Variants in CNIH3 observed in about 807,000 individuals in gnomAD.
CNIH3 encodes cornichon family AMPA receptor auxiliary protein 3.
CNIH3 carries 14 observed loss-of-function variants against 24.1 expected under a neutral mutation model. The ratio of observed to expected loss-of-function variants is 0.58; its 90% CI spans 0.38 to 0.91. CNIH3 has a LOEUF of 0.91. Ranked by LOEUF, CNIH3 falls within the 40% of genes least tolerant of loss-of-function variation. The pLI, the probability that CNIH3 is intolerant of heterozygous loss-of-function variation, is 0.00. For missense variants in CNIH3, 178 were observed against 196.8 expected (o/e 0.90, Z 0.57); for synonymous variants, 68 against 73.8 (o/e 0.92, Z 0.40).
rs143513556 is a variant in CNIH3, at chr1:224,623,751, C to T, written c.81+6496C>T. ...GCAGAGTCTGTCCCTCATCTGAGGC[C>T]ACTTCCTCCCCTCCTAGTTATCTGT... On this transcript the variant is annotated intron_variant, in intron 1 of 5. Coordinates refer to ENST00000272133, the MANE Select transcript of CNIH3 (RefSeq NM_152495.2). Among the ~76,000 whole-genome samples the T allele has an allele frequency of 1.2e-4, 19 of 152,218 alleles. No individual in the cohort carries two copies. In the East Asian group the frequency reaches 2.3e-3, roughly 19 times the overall value.
At chr1:224,521,759 G>A (rs1002563555) in intron 2 of CNIH3, among the ~76,000 whole-genome samples, 5 of 152,158 alleles carry the variant, frequency 3.3e-5, no homozygotes, top group African/African-American at 9.7e-5. Flanking sequence ...GAGAAACTTG[G>A]TCCAAATGAA....
intron 2 of CNIH3, among the ~76,000 whole-genome samples, chr1:224,533,643 C>T (rs539154468): frequency 1.3e-5 from 2 of 152,208 alleles, no homozygotes; most frequent in South Asian, 2.1e-4. Flanking sequence ...GCTAGTAATC[C>T]GTGGCCTTTC....
chr1:224,713,611 A>T (rs1314803397), intron 3 of CNIH3, among the ~76,000 whole-genome samples: 1 of 152,196 alleles, frequency 6.6e-6, no homozygotes, highest in Non-Finnish European at 1.5e-5. Flanking sequence ...TAATGTAATA[A>T]AACACCACAG....
intron 3 of CNIH3, among the ~76,000 whole-genome samples, chr1:224,606,370 A>G (rs2125046574): frequency 6.6e-6 from 1 of 152,112 alleles, no homozygotes; most frequent in African/African-American, 2.4e-5. Flanking sequence ...AGTGGCTCTT[A>G]GTGGGATGGG....
chr1:224,685,738 C>T lies in CNIH3; in HGVS notation c.198+895C>T, dbSNP rs536361173. 4.6e-5 allele frequency among the ~76,000 whole-genome samples: 7 copies of T among 152,192 alleles called. No individual in the cohort carries two copies. The East Asian group carries it at 1.4e-3, about 29-fold the overall frequency. ...TTTTTCTGTATTTCAGTAATGATACCTTTCATTGAGAGAGAGCTTAATCAA... is the reference window on the plus strand; with the variant it reads ...TTTTTCTGTATTTCAGTAATGATACTTTTCATTGAGAGAGAGCTTAATCAA... On this transcript the variant is annotated intron_variant, in intron 3 of 5. Coordinates refer to ENST00000272133, the MANE Select transcript of CNIH3 (RefSeq NM_152495.2).
intron 1 of CNIH3, among the ~76,000 whole-genome samples, chr1:224,488,468 G>GC (rs1404771681): frequency 7.1e-6 from 1 of 139,908 alleles, no homozygotes; most frequent in Non-Finnish European, 1.6e-5. Flanking sequence ...TTTTTTTTTG[G>GC]GGGGTGGGGG....
intron 2 of CNIH3, among the ~76,000 whole-genome samples, chr1:224,525,929 T>C (rs1558130464): frequency 6.6e-6 from 1 of 152,038 alleles, no homozygotes; most frequent in Non-Finnish European, 1.5e-5. Flanking sequence ...AGAATGGAGT[T>C]TGTGCTGCTT....
rs1357282800 is a variant in CNIH3, at chr1:224,505,023, TCCCTCCCTC to T, written n.204-10715_204-10707del. 5.6e-4 allele frequency among the ~76,000 whole-genome samples: 20 copies of T among 35,658 alleles called. 1 individual carries two copies. The highest frequency in any genetic ancestry group is 5.5e-3 in the South Asian group (4 of 732). 23.4% of individuals were successfully genotyped at this position (35,658 alleles called of 152,430 possible). A position where few individuals can be genotyped will look rare whatever the true frequency, so the allele number is the denominator to read the frequency against. ...CTCCCTCCCTCCCTCCCTCCCTCCCTCCCTCCCTCCCTTCCTTCCTTCCTTCCTTCCTTC... is the reference window on the plus strand; with the variant it reads ...CTCCCTCCCTCCCTCCCTCCCTCCCTCCTTCCTTCCTTCCTTCCTTCCTTC... On this transcript the variant is annotated intron_variant and non_coding_transcript_variant, in intron 1 of 5. Transcript: ENST00000471578.
intron 2 of CNIH3, among the ~76,000 whole-genome samples, chr1:224,682,532 A>G (rs1686451602): frequency 6.6e-6 from 1 of 152,240 alleles, no homozygotes; most frequent in Non-Finnish European, 1.5e-5. Flanking sequence ...TGCAAGATCC[A>G]CTTGAAAACT....
intron 1 of CNIH3, among the ~76,000 whole-genome samples, chr1:224,488,142 G>T (rs1677098797): frequency 6.6e-6 from 1 of 151,752 alleles, no homozygotes; most frequent in Non-Finnish European, 1.5e-5. Context: ...TACTAAAGAG[G>T]TATAAGTCAA....
At chr1:224,491,550 A>G (rs993126530) in intron 1 of CNIH3, among the ~76,000 whole-genome samples, 1 of 152,136 alleles carries the variant, frequency 6.6e-6, no homozygotes, top group African/African-American at 2.4e-5. Flanking sequence ...ATTTTTATCT[A>G]TGCTCTTAAG....
chr1:224,440,350 C>T (rs1338617687), intron 1 of CNIH3, among the ~76,000 whole-genome samples: 1 of 152,186 alleles, frequency 6.6e-6, no homozygotes, highest in Admixed American at 6.5e-5. Context: ...CTGCCCCAGC[C>T]TCTTGAGTAG....
intron 1 of CNIH3, among the ~76,000 whole-genome samples, chr1:224,472,208 T>G (rs1401994301): frequency 6.6e-6 from 1 of 152,216 alleles, no homozygotes; most frequent in East Asian, 1.9e-4. Flanking sequence ...AGGATTCCCT[T>G]TTCTCTACAT....
chr1:224,495,122 T>C (rs1461691407), intron 1 of CNIH3, among the ~76,000 whole-genome samples: 1 of 152,194 alleles, frequency 6.6e-6, no homozygotes. Flanking sequence ...GTTCCCGTGG[T>C]AGGCAGGGGA....
chr1:224,681,860 G>A (rs1018089103), intron 2 of CNIH3, among the ~76,000 whole-genome samples: 5 of 152,172 alleles, frequency 3.3e-5, no homozygotes, highest in African/African-American at 9.7e-5. Context: ...GTTCATTCAA[G>A]TGTGTTTCTC....
chr1:224,673,011 C>T (rs1685944782), intron 1 of CNIH3, among the ~76,000 whole-genome samples: 1 of 152,086 alleles, frequency 6.6e-6, no homozygotes, highest in Admixed American at 6.5e-5. Context: ...GTATGACTTG[C>T]TAGGATTCAT....
chr1:224,543,270 G>C (rs1271136284), intron 2 of CNIH3, among the ~76,000 whole-genome samples: 34 of 152,148 alleles, frequency 2.2e-4, no homozygotes, highest in Admixed American at 2.2e-3. Flanking sequence ...GAGGGCACAG[G>C]AGCTCTATGT....
chr1:224,560,742 ATGG>A (rs1231348734), intron 3 of CNIH3, among the ~76,000 whole-genome samples: 1 of 152,072 alleles, frequency 6.6e-6, no homozygotes, highest in African/African-American at 2.4e-5. Flanking sequence ...ATTCTACATT[ATGG>A]TGAGTTGAAT....
intron 1 of CNIH3, among the ~76,000 whole-genome samples, chr1:224,504,853 C>T (rs1464869186): frequency 6.6e-6 from 1 of 152,116 alleles, no homozygotes. Context: ...CAGATGAGAC[C>T]CTGTTCCTGA....
Sources: allele counts gnomAD v4.1 joint callset (sites outside exome capture counted in the v4.1 genomes callset), GRCh38; gene constraint gnomAD v4.1.1; transcripts MANE v1.5; gene names NCBI Gene and HGNC (gene_info 2026-07-23, HGNC 2026-07-21).